Variants in CCSER1 observed in about 807,000 individuals in gnomAD.
The protein encoded by CCSER1 is serine-rich coiled-coil domain-containing protein 1.
Under a neutral mutation model 82.0 loss-of-function variants are expected in CCSER1, and 41 were observed. The observed-to-expected ratio is 0.50, with a 90% confidence interval of 0.39 to 0.65. CCSER1 has a LOEUF of 0.65. CCSER1 is among the 30% of genes least tolerant of loss of function. The pLI, the probability that CCSER1 is intolerant of heterozygous loss-of-function variation, is 0.00. For synonymous variants in CCSER1, 414 were observed against 383.9 expected (o/e 1.08, Z -0.92); for missense variants, 1,119 against 1,064.2 (o/e 1.05, Z -0.72).
chr4:91,321,622 A>G (rs1746201020), intron 10 of CCSER1, among the ~76,000 whole-genome samples: 1 of 152,002 alleles, frequency 6.6e-6, no homozygotes, highest in Non-Finnish European at 1.5e-5. Context: ...TTTTATTAGG[A>G]AATAGATTTA....
intron 1 of CCSER1, among the ~76,000 whole-genome samples, chr4:90,302,669 G>A (rs1296048273): frequency 6.6e-6 from 1 of 152,100 alleles, no homozygotes; most frequent in Non-Finnish European, 1.5e-5. Context: ...TGGGCATGAT[G>A]CTGTATGCCT....
chr4:91,501,771 T>C (rs1435233238), intron 10 of CCSER1, among the ~76,000 whole-genome samples: 2 of 152,142 alleles, frequency 1.3e-5, no homozygotes, highest in Non-Finnish European at 2.9e-5. Context: ...AAATTATATA[T>C]TAGTAAGAGA....
intron 9 of CCSER1, among the ~76,000 whole-genome samples, chr4:91,043,583 CTTTTTTT>C (rs11364315): frequency 2.8e-5 from 2 of 71,566 alleles, no homozygotes; most frequent in Non-Finnish European, 5.6e-5. Flanking sequence ...CATCAGCCTT[CTTTTTTT>C]TTTTTTTTTT....
intron 4 of CCSER1, among the ~76,000 whole-genome samples, chr4:90,442,932 C>G (rs149782159): frequency 0.011 from 1,735 of 151,888 alleles, 20 homozygotes; most frequent in Non-Finnish European, 0.016. Flanking sequence ...AGTAATAGCC[C>G]CTTATCCTCA....
Position 90,929,507 on chromosome 4 carries a change from T to C in CCSER1, c.2172+6060T>C, listed in dbSNP as rs183588383. On this transcript the variant is annotated intron_variant, in intron 9 of 10. Transcript: ENST00000509176. The stretch of plus-strand genomic sequence containing the variant: ...TTTATAGTGTGGCACTGAATGATTC[T>C]TTTTAAAATCTTGAATCTTTGCTTA... Among the ~76,000 whole-genome samples, 1,177 of 152,324 alleles carry C rather than the reference T, an allele frequency of 7.7e-3. 9 individuals are homozygous for C. Among genetic ancestry groups the C allele is most frequent in the African/African-American group, 0.027 (1,143 of 41,572 alleles).
chr4:90,177,438 C>G (rs1395084748), intron 1 of CCSER1, among the ~76,000 whole-genome samples: 1 of 152,118 alleles, frequency 6.6e-6, no homozygotes, highest in Non-Finnish European at 1.5e-5. Flanking sequence ...ATCTTCAGGT[C>G]TCCAATTAGG....
At chr4:90,341,737 T>C (rs1741415985) in intron 3 of CCSER1, among the ~76,000 whole-genome samples, 2 of 152,148 alleles carry the variant, frequency 1.3e-5, no homozygotes, top group Admixed American at 1.3e-4. Context: ...TGAATCTGAT[T>C]TATTATTGCA....
chr4:90,175,623 A>C (rs1164630772), intron 1 of CCSER1, among the ~76,000 whole-genome samples: 2 of 152,056 alleles, frequency 1.3e-5, no homozygotes, highest in Non-Finnish European at 2.9e-5. Context: ...TGCAAATATT[A>C]AAAAATCTGA....
chr4:91,439,181 A>G (rs2149402875), intron 10 of CCSER1, among the ~76,000 whole-genome samples: 1 of 152,302 alleles, frequency 6.6e-6, no homozygotes, highest in South Asian at 2.1e-4. Flanking sequence ...CATAATTGTC[A>G]GATTCACCAA....
intron 5 of CCSER1, among the ~76,000 whole-genome samples, chr4:90,529,510 G>A (rs1175172356): frequency 4.6e-5 from 7 of 152,154 alleles, no homozygotes; most frequent in East Asian, 1.9e-4. Flanking sequence ...GATTACAGGC[G>A]TGAGCCACCA....
intron 10 of CCSER1, among the ~76,000 whole-genome samples, chr4:91,117,555 G>A (rs1726727079): frequency 6.6e-6 from 1 of 152,198 alleles, no homozygotes; most frequent in East Asian, 1.9e-4. Flanking sequence ...AAGTTCATAA[G>A]AAGAAACCAA....
chr4:91,457,081 T>C (rs1273047105), intron 10 of CCSER1, among the ~76,000 whole-genome samples: 1 of 152,138 alleles, frequency 6.6e-6, no homozygotes, highest in Non-Finnish European at 1.5e-5. Flanking sequence ...TATTTTTATC[T>C]TTATCTGATA....
intron 8 of CCSER1, chr4:90,911,181 C>A (rs1726285066): frequency 2.9e-5 from 12 of 419,058 alleles, no homozygotes; most frequent in South Asian, 2.1e-4. Flanking sequence ...TTTTATAAGT[C>A]TCCCTTTTTT....
At chr4:90,407,088 AAAAT>A (rs1753842418) in intron 4 of CCSER1, among the ~76,000 whole-genome samples, 1 of 152,222 alleles carries the variant, frequency 6.6e-6, no homozygotes, top group Non-Finnish European at 1.5e-5. Context: ...TTCTTCGAAA[AAAAT>A]AAATAAAATT....
At chr4:90,370,749 C>G (rs544539751) in intron 3 of CCSER1, among the ~76,000 whole-genome samples, 1 of 151,930 alleles carries the variant, frequency 6.6e-6, no homozygotes, top group South Asian at 2.1e-4. Context: ...AAAAGTTACA[C>G]CTCATGCACC....
At chr4:90,140,089 A>C (rs1232551920) in intron 1 of CCSER1, among the ~76,000 whole-genome samples, 1 of 152,236 alleles carries the variant, frequency 6.6e-6, no homozygotes, top group Non-Finnish European at 1.5e-5. Context: ...AATTATGTCA[A>C]ATAATATGGT....
At chr4:90,794,422 C>T (rs1165509945) in intron 7 of CCSER1, among the ~76,000 whole-genome samples, 1 of 152,130 alleles carries the variant, frequency 6.6e-6, no homozygotes, top group African/African-American at 2.4e-5. Context: ...AATAAGGAAT[C>T]CTTTCACCAT....
chr4:90,651,604 G>A (rs1728754527), intron 6 of CCSER1, among the ~76,000 whole-genome samples: 1 of 151,924 alleles, frequency 6.6e-6, no homozygotes, highest in African/African-American at 2.4e-5. Context: ...AGGTCGATGG[G>A]TGCAACAAAC....
At chr4:90,759,206 A>T (rs1416838137) in intron 7 of CCSER1, among the ~76,000 whole-genome samples, 1 of 152,190 alleles carries the variant, frequency 6.6e-6, no homozygotes, top group East Asian at 1.9e-4. Context: ...AATAAGCTCA[A>T]TTATGACACA....
Sources: gnomAD v4.1 joint callset for allele counts (sites outside exome capture counted in the v4.1 genomes callset) on GRCh38, gnomAD v4.1.1 for gene constraint, MANE v1.5 for transcripts, NCBI Gene and HGNC (gene_info 2026-07-23, HGNC 2026-07-21) for gene names.